The following SPATS2 variants were observed in gnomAD, a reference collection of about 807,000 sequenced individuals.
SPATS2 encodes spermatogenesis associated serine rich 2.
In SPATS2, 38 loss-of-function variants were observed where a neutral mutation model predicts 63.7. That is an observed-to-expected ratio of 0.60 (90% CI 0.46 to 0.78). SPATS2 has a LOEUF of 0.78. Ranked by LOEUF, SPATS2 falls within the 30% of genes least tolerant of loss-of-function variation. The pLI, the probability that SPATS2 is intolerant of heterozygous loss-of-function variation, is 0.00. For missense variants in SPATS2, 588 were observed against 666.2 expected (o/e 0.88, Z 1.29); for synonymous variants, 207 against 232.9 (o/e 0.89, Z 1.01).
chr12:49,437,871 G>C (rs1008871103), intron 2 of SPATS2, among the ~76,000 whole-genome samples: 14 of 152,154 alleles, frequency 9.2e-5, no homozygotes, highest in Middle Eastern at 6.8e-3. Flanking sequence ...AGGGAGAGGA[G>C]GGAGAGGGAG....
rs548274509 is a variant in SPATS2 at position 49,436,602 on chromosome 12, G to C, written c.-243-24168G>C. ...CCCGGACGGGGTGGCTGGCCGGGCCGGGGGCTGACCCCCCCACCTCCCTCC... is the reference window on the plus strand; with the variant it reads ...CCCGGACGGGGTGGCTGGCCGGGCCCGGGGCTGACCCCCCCACCTCCCTCC... On this transcript the variant is annotated intron_variant, in intron 2 of 13. Coordinates refer to ENST00000552918, the MANE Select transcript of SPATS2 (RefSeq NM_023071.4). 4.5e-4 allele frequency among the ~76,000 whole-genome samples: 60 copies of C among 133,474 alleles called. No individual in the cohort carries two copies. In the East Asian group the frequency reaches 9.5e-3, roughly 21 times the overall value. The allele number at this position is 133,474 out of a possible 152,430, so 87.6% of individuals were successfully genotyped here.
At chr12:49,462,136 A>C in intron 3 of SPATS2, 1 of 577,434 alleles carries the variant, frequency 1.7e-6, no homozygotes, top group Non-Finnish European at 3.1e-6. Context: ...TGACCTTTTT[A>C]AAACTAGAGA....
chr12:49,467,397 T>C lies in SPATS2; in HGVS notation c.25+6360T>C, dbSNP rs1945941961. ...TAACTCTTTATATTTTCCTGACTGA[T>C]CTCTGAGTCTAGCACTGGTTAGAAG... On this transcript the variant is annotated intron_variant, in intron 3 of 13. Transcript: ENST00000552918. Among the ~76,000 whole-genome samples the C allele has an allele frequency of 4.6e-5, 7 of 152,198 alleles. No individual in the cohort carries two copies. The South Asian group carries it at 1.5e-3, about 32-fold the overall frequency.
intron 2 of SPATS2, among the ~76,000 whole-genome samples, chr12:49,426,239 G>C (rs1207010628): frequency 6.6e-6 from 1 of 150,998 alleles, no homozygotes; most frequent in Non-Finnish European, 1.5e-5. Flanking sequence ...CACACAAAAT[G>C]CAAAATCCTT....
At chr12:49,508,645 G>A (rs1266674592) in intron 9 of SPATS2, among the ~76,000 whole-genome samples, 1 of 151,956 alleles carries the variant, frequency 6.6e-6, no homozygotes, top group Non-Finnish European at 1.5e-5. Flanking sequence ...TTGTTACCCA[G>A]TCTGGTCTTG....
At chr12:49,385,260 C>T (rs1165412651) in intron 2 of SPATS2, among the ~76,000 whole-genome samples, 5 of 147,172 alleles carry the variant, frequency 3.4e-5, no homozygotes, top group South Asian at 2.1e-4. Context: ...TAGTATTTCA[C>T]GGGGTAATAA....
chr12:49,460,092 G>A (rs1315047421), intron 2 of SPATS2, among the ~76,000 whole-genome samples: 1 of 151,146 alleles, frequency 6.6e-6, no homozygotes, highest in Non-Finnish European at 1.5e-5. Flanking sequence ...TGGGCAACAA[G>A]AGCGAAACTC....
intron 2 of SPATS2, among the ~76,000 whole-genome samples, chr12:49,382,345 ATGG>A (rs1321165835): frequency 1.3e-5 from 2 of 152,252 alleles, no homozygotes; most frequent in East Asian, 3.8e-4. Flanking sequence ...ACAGAAATAA[ATGG>A]TGAAGACAGT....
chr12:49,372,569 G>C (rs755549956), intron 2 of SPATS2, among the ~76,000 whole-genome samples: 5 of 152,162 alleles, frequency 3.3e-5, no homozygotes, highest in Non-Finnish European at 7.4e-5. Flanking sequence ...ATCGTCTTAA[G>C]AATGCTCTAT....
At chr12:49,419,780 T>G (rs2091801) in intron 2 of SPATS2, among the ~76,000 whole-genome samples, 14,027 of 152,226 alleles carry the variant, frequency 0.092, 755 homozygotes, top group African/African-American at 0.14. Flanking sequence ...GAAAGCAGCA[T>G]ATATATTTAA....
At chr12:49,514,684 A>G (rs750528820) in intron 10 of SPATS2, 71 bp downstream of exon 10, 11 of 1,404,838 alleles carry the variant, frequency 7.8e-6, no homozygotes, top group Non-Finnish European at 9.9e-6. Flanking sequence ...CAACCCTTAT[A>G]ACAAAAGTTC....
At chr12:49,450,906 TTGC>T (rs1945611657) in intron 2 of SPATS2, among the ~76,000 whole-genome samples, 2 of 151,898 alleles carry the variant, frequency 1.3e-5, no homozygotes. Flanking sequence ...TCTCACTCTG[TTGC>T]TCAGGCTAGA....
At chr12:49,417,222 C>A (rs1944904037) in intron 2 of SPATS2, among the ~76,000 whole-genome samples, 1 of 152,218 alleles carries the variant, frequency 6.6e-6, no homozygotes, top group Non-Finnish European at 1.5e-5. Flanking sequence ...AAATTAAAAT[C>A]TCTGTATTAA....
chr12:49,390,216 GTGAA>G (rs1944396329), intron 2 of SPATS2: 12 of 1,006,544 alleles, frequency 1.2e-5, no homozygotes, highest in Admixed American at 4.6e-5. Context: ...GGTCAAATAA[GTGAA>G]TGAATGAATG....
chr12:49,442,175 ATTATC>A (rs765170315), intron 2 of SPATS2, among the ~76,000 whole-genome samples: 2 of 152,184 alleles, frequency 1.3e-5, no homozygotes, highest in Non-Finnish European at 2.9e-5. Context: ...AGTATCCCAC[ATTATC>A]TTCTGTTGTA....
chr12:49,499,946 G>T, intron 8 of SPATS2, 124 bp from the exon 9 acceptor site: 2 of 686,012 alleles, frequency 2.9e-6, no homozygotes, highest in Non-Finnish European at 4.2e-6. Flanking sequence ...CATTGGGGAA[G>T]GTGGTTATTT....
At chr12:49,369,030 CTTTTTTTTT>C (rs35158946) in intron 1 of SPATS2, among the ~76,000 whole-genome samples, 10,292 of 102,892 alleles carry the variant, frequency 0.1, 507 homozygotes, top group Middle Eastern at 0.2. Flanking sequence ...CAATGTGCCT[CTTTTTTTTT>C]TTTTTTTTTT....
rs1289837456 is a variant in SPATS2, at chr12:49,500,218, G to A, written c.839+13G>A. 5 of 1,586,922 alleles carry A rather than the reference G, an allele frequency of 3.2e-6. No individual in the cohort carries two copies. The highest frequency in any genetic ancestry group is 4.3e-6 in the Non-Finnish European group (5 of 1,172,644). ...AATTGGAGAGCTGGTAATTTAAGCT[G>A]CATTTGATATCAGTAGCATAAAAAT... On this transcript the variant is annotated intron_variant, in intron 9 of 13. Coordinates refer to ENST00000552918, the MANE Select transcript of SPATS2 (RefSeq NM_023071.4).
intron 2 of SPATS2, among the ~76,000 whole-genome samples, chr12:49,386,111 C>T (rs1288907054): frequency 2.7e-5 from 4 of 147,474 alleles, no homozygotes; most frequent in African/African-American, 7.5e-5. Context: ...GCAAGTGATC[C>T]GCCTGCCTCG....
Sources: gnomAD v4.1 joint callset for allele counts (sites outside exome capture counted in the v4.1 genomes callset) on GRCh38, gnomAD v4.1.1 for gene constraint, MANE v1.5 for transcripts, NCBI Gene and HGNC (gene_info 2026-07-23, HGNC 2026-07-21) for gene names.